Variants in MAN2A1 observed in about 807,000 individuals in gnomAD.
The protein encoded by MAN2A1 is alpha-mannosidase 2.
MAN2A1 carries 76 observed loss-of-function variants against 142.6 expected under a neutral mutation model. The observed-to-expected ratio is 0.53, with a 90% CI of 0.44 to 0.65. MAN2A1 has a LOEUF of 0.65. Ranked by LOEUF, MAN2A1 falls within the 30% of genes least tolerant of loss-of-function variation. MAN2A1 has a pLI of 0.00. For synonymous variants in MAN2A1, 559 were observed against 473.2 expected, an observed-to-expected ratio of 1.18 and a Z score of -2.35; for missense variants, 1,311 against 1,365.1, an observed-to-expected ratio of 0.96 and a Z score of 0.62.
At chr5:109,776,628 A>G (rs1005766383) in intron 8 of MAN2A1, among the ~76,000 whole-genome samples, 1 of 152,182 alleles carries the variant, frequency 6.6e-6, no homozygotes, top group African/African-American at 2.4e-5. Flanking sequence ...GAAGTGCCAC[A>G]TACATAGAAG....
chr5:109,860,457 A>AT (rs1755726954), intron 20 of MAN2A1, among the ~76,000 whole-genome samples: 1 of 152,028 alleles, frequency 6.6e-6, no homozygotes, highest in Non-Finnish European at 1.5e-5. Flanking sequence ...GGTTGGAGAA[A>AT]TTTTCCCACC....
chr5:109,849,053 A>C (rs1359489347), intron 19 of MAN2A1, among the ~76,000 whole-genome samples: 1 of 152,160 alleles, frequency 6.6e-6, no homozygotes, highest in South Asian at 2.1e-4. Context: ...GTCACTCTCT[A>C]AAATACTGCC....
intron 19 of MAN2A1, among the ~76,000 whole-genome samples, chr5:109,848,427 G>A (rs948133126): frequency 1.3e-5 from 2 of 152,006 alleles, no homozygotes; most frequent in Non-Finnish European, 2.9e-5. Flanking sequence ...TTTTCTTTTT[G>A]CTCTATTCTC....
intron 4 of MAN2A1, among the ~76,000 whole-genome samples, chr5:109,735,661 A>G (rs1439182550): frequency 6.6e-6 from 1 of 152,024 alleles, no homozygotes; most frequent in Non-Finnish European, 1.5e-5. Context: ...AGCTGTTCCT[A>G]TTTGGCCATC....
intron 4 of MAN2A1, among the ~76,000 whole-genome samples, chr5:109,731,437 T>G (rs755610167): frequency 3.3e-5 from 5 of 151,640 alleles, no homozygotes; most frequent in Non-Finnish European, 5.9e-5. Flanking sequence ...TGTATACATG[T>G]GCTATGCTGG....
intron 4 of MAN2A1, among the ~76,000 whole-genome samples, chr5:109,735,712 G>T (rs985978445): frequency 6.6e-6 from 1 of 152,042 alleles, no homozygotes; most frequent in Admixed American, 6.6e-5. Context: ...ATATTAAAAA[G>T]TTCTTTCAAT....
intron 1 of MAN2A1, among the ~76,000 whole-genome samples, chr5:109,704,372 A>C (rs1156768590): frequency 6.6e-6 from 1 of 152,210 alleles, no homozygotes; most frequent in Admixed American, 6.5e-5. Flanking sequence ...TCGTGAGGGC[A>C]TTTATTTCTT....
intron 1 of MAN2A1, among the ~76,000 whole-genome samples, chr5:109,694,305 T>C (rs1372217694): frequency 6.6e-6 from 1 of 152,174 alleles, no homozygotes; most frequent in East Asian, 1.9e-4. Flanking sequence ...AATAAGCATT[T>C]GATTGAAAGC....
intron 20 of MAN2A1, among the ~76,000 whole-genome samples, chr5:109,860,020 A>G (rs537204352): frequency 6.6e-6 from 1 of 151,968 alleles, no homozygotes; most frequent in East Asian, 1.9e-4. Context: ...CAAATAGTTA[A>G]CCATCATTTC....
At chr5:109,706,469 C>T (rs534093040) in intron 1 of MAN2A1, among the ~76,000 whole-genome samples, 3 of 152,322 alleles carry the variant, frequency 2.0e-5, no homozygotes, top group African/African-American at 7.2e-5. Flanking sequence ...TTAGTATCTG[C>T]ATTTTGCCCA....
Position 109,832,777 on chromosome 5 carries a change from C to A in MAN2A1, c.2566+8940C>A, listed in dbSNP as rs1023011350. Among the ~76,000 whole-genome samples the A allele has an allele frequency of 1.4e-4, 21 of 151,758 alleles. No individual in the cohort carries two copies. In the South Asian group the frequency reaches 2.7e-3, roughly 20 times the overall value. Reference sequence around the variant, plus strand: ...GGCTGGCCGGGCCGGGGCTGCCCCCCACCTCCCTCCCGGACGGGGCGGCTG... The same window carrying A: ...GGCTGGCCGGGCCGGGGCTGCCCCCAACCTCCCTCCCGGACGGGGCGGCTG... On this transcript the variant is annotated intron_variant, in intron 16 of 21. Transcript: ENST00000261483.
In MAN2A1 at chr5:109,754,606, GAAAT is replaced by G. The variant is rs372006446; in HGVS notation, c.708-716_708-713del. Among the ~76,000 whole-genome samples the G allele has an allele frequency of 2.3e-3, 349 of 152,308 alleles. 5 individuals carry two copies. Among genetic ancestry groups the G allele is most frequent in the African/African-American group, 7.6e-3 (318 of 41,580 alleles). On this transcript the variant is annotated intron_variant, in intron 4 of 21. Coordinates refer to ENST00000261483, the MANE Select transcript of MAN2A1 (RefSeq NM_002372.4). ...ATTGATTTTTTGATAAAAGTATATT[GAAAT>G]AAATAATGTGCTTAAAGTGACAGCC...
chr5:109,713,500 C>T lies in MAN2A1; in HGVS notation c.136-20C>T. On this transcript the variant is annotated intron_variant, in intron 1 of 21. Coordinates refer to ENST00000261483, the MANE Select transcript of MAN2A1 (RefSeq NM_002372.4). ...CTATATTAGTATTTCATATAGCTGCCTTTTTCTTTTTTATTGTAGGGCCAG... is the reference window on the plus strand; with the variant it reads ...CTATATTAGTATTTCATATAGCTGCTTTTTTCTTTTTTATTGTAGGGCCAG... 1 of 1,572,456 alleles carries T rather than the reference C, an allele frequency of 6.4e-7. No individual in the cohort carries two copies. Among genetic ancestry groups the T allele is most frequent in the Non-Finnish European group, 8.6e-7 (1 of 1,160,370 alleles).
chr5:109,730,811 C>T (rs1036278420), intron 4 of MAN2A1, among the ~76,000 whole-genome samples: 2 of 152,170 alleles, frequency 1.3e-5, no homozygotes, highest in African/African-American at 4.8e-5. Flanking sequence ...ACAGGGCAGC[C>T]TGGCATTCCA....
At chr5:109,749,434 G>A (rs1445211044) in intron 4 of MAN2A1, among the ~76,000 whole-genome samples, 1 of 152,116 alleles carries the variant, frequency 6.6e-6, no homozygotes, top group Non-Finnish European at 1.5e-5. Context: ...CATTGAAATA[G>A]AAACATGGTG....
intron 20 of MAN2A1, among the ~76,000 whole-genome samples, chr5:109,858,237 C>G (rs1312853084): frequency 6.6e-6 from 1 of 152,178 alleles, no homozygotes; most frequent in Admixed American, 6.5e-5. Flanking sequence ...CTGTGTTAGC[C>G]TTTGACTCTT....
chr5:109,855,831 T>C (rs1755591035), intron 20 of MAN2A1, among the ~76,000 whole-genome samples: 1 of 152,234 alleles, frequency 6.6e-6, no homozygotes, highest in Admixed American at 6.5e-5. Context: ...TTAGTTAGAC[T>C]GCAGTTATAT....
At chr5:109,797,354 A>AAAAATG (rs540125070) in intron 12 of MAN2A1, among the ~76,000 whole-genome samples, 9 of 152,182 alleles carry the variant, frequency 5.9e-5, no homozygotes, top group African/African-American at 1.9e-4. Flanking sequence ...AAAGATGACA[A>AAAAATG]AAAATGAAAA....
intron 1 of MAN2A1, among the ~76,000 whole-genome samples, chr5:109,697,756 T>C (rs979584374): frequency 6.6e-6 from 1 of 152,216 alleles, no homozygotes; most frequent in African/African-American, 2.4e-5. Flanking sequence ...TATTTCTCTA[T>C]TGTTAATATT....
Sources: allele counts gnomAD v4.1 joint callset (sites outside exome capture counted in the v4.1 genomes callset), GRCh38; gene constraint gnomAD v4.1.1; transcripts MANE v1.5; gene names NCBI Gene and HGNC (gene_info 2026-07-23, HGNC 2026-07-21).